FLT1: variants seen among roughly 807,000 people sequenced by gnomAD.
FLT1 encodes the protein fms related receptor tyrosine kinase 1.
Under a neutral mutation model 156.3 loss-of-function variants are expected in FLT1, and 49 were observed. The observed-to-expected ratio is 0.31, with a 90% CI of 0.25 to 0.40. The LOEUF (loss-of-function observed/expected upper bound fraction) is 0.40. FLT1 is among the 10% of genes least tolerant of loss of function. The pLI, the probability that FLT1 is intolerant of heterozygous loss-of-function variation, is 1.00. For synonymous variants in FLT1, 594 were observed against 583.8 expected (o/e 1.02, Z -0.25); for missense variants, 1,322 against 1,637.2 (o/e 0.81, Z 3.32).
rs970591571 is a variant in FLT1 at position 28,430,134 on chromosome 13, T to C, written c.1022A>G (p.Gln341Arg). 4.3e-6 allele frequency: 7 copies of C among 1,613,560 alleles called. No homozygotes were observed. In the Admixed American group the frequency reaches 6.7e-5, roughly 15 times the overall value. Residue 341 changes from glutamine (Q) to arginine (R), a missense_variant, in exon 8 of 30, where the codon CAG becomes CGG. Around this residue, in one of 3 missense-constraint regions of FLT1, gnomAD observed 991 missense variants for 1,254.8 expected, o/e 0.79. Transcript: ENST00000282397. ...KAFITVKHRK[Q>R]QVLETVAGKR... ...GCCAGCTACGGTTTCAAGCACCTGC[T>C]GTTTTCGATGTTTCACAGTGATGAA...
At chr13:28,494,749 C>A (rs1267333000) in intron 1 of FLT1, 31 bp downstream of exon 1, 2 of 1,533,122 alleles carry the variant, frequency 1.3e-6, no homozygotes, top group Non-Finnish European at 1.8e-6. Flanking sequence ...TCGCAGCCCG[C>A]CTCAGGCCCC....
At position 28,388,933 on chromosome 13, in the gene FLT1, G is replaced by A. The variant is rs373762967; in HGVS notation, c.1969+863C>T. 5.6e-6 allele frequency: 6 copies of A among 1,064,854 alleles called. No homozygotes were observed. In the East Asian group the frequency reaches 2.0e-4, roughly 35 times the overall value. 66.0% of individuals were successfully genotyped at this position (1,064,854 alleles called of 1,614,324 possible). On this transcript the variant is annotated intron_variant, in intron 13 of 29. Transcript: ENST00000282397. Reference sequence around the variant, plus strand: ...TCAATAGCTGTGTGGTGCAGTCAGAGACAGCAAGGAGCAAACCCTTTGCTA... The same window carrying A: ...TCAATAGCTGTGTGGTGCAGTCAGAAACAGCAAGGAGCAAACCCTTTGCTA...
At chr13:28,308,404 A>C (rs1174360009) in intron 28 of FLT1, 3 of 262,538 alleles carry the variant, frequency 1.1e-5, no homozygotes, top group African/African-American at 6.5e-5. Flanking sequence ...ACAGCTGTTC[A>C]ATCTGTAGAA....
chr13:28,456,363 A>T (rs1879262832), intron 3 of FLT1, among the ~76,000 whole-genome samples: 1 of 152,070 alleles, frequency 6.6e-6, no homozygotes, highest in African/African-American at 2.4e-5. Flanking sequence ...AAGAAATTAG[A>T]TATTAAGCCA....
chr13:28,321,928 T>G (rs61762457), intron 22 of FLT1, among the ~76,000 whole-genome samples: 2 of 152,350 alleles, frequency 1.3e-5, no homozygotes, highest in African/African-American at 4.8e-5. Context: ...GAGGGCCCTA[T>G]ATGGCTATAT....
chr13:28,327,607 G>T, intron 19 of FLT1, 57 bp from the exon 20 acceptor site: 2 of 1,246,568 alleles, frequency 1.6e-6, no homozygotes, highest in Non-Finnish European at 1.2e-6. Context: ...TCAGCCATTT[G>T]CCAGCCTTCA....
In FLT1 at chr13:28,326,524, T is replaced by C. The variant is rs930051455; in HGVS notation, c.2796+938A>G. On this transcript the variant is annotated intron_variant, in intron 20 of 29. Transcript: ENST00000282397. ...CATTCAATAATCTCTCTCTCTCTTT[T>C]TTTTTTTTTTTTTTTTTTTGAGACG... Among the ~76,000 whole-genome samples the C allele has an allele frequency of 7.0e-3, 771 of 110,202 alleles. 9 individuals are homozygous for C. Among genetic ancestry groups the C allele is most frequent in the Admixed American group, 0.046 (510 of 11,118 alleles). 72.3% of individuals were successfully genotyped at this position (110,202 alleles called of 152,430 possible). A position where few individuals can be genotyped will look rare whatever the true frequency, so the allele number is the denominator to read the frequency against.
chr13:28,322,388 G>C lies in FLT1; in HGVS notation c.2954-29C>G. ...GAAAGCATTAGAACCGTAACTGTTT[G>C]TAATGGCTCTTGTTATCCCACCAAA... On this transcript the variant is annotated intron_variant, in intron 21 of 29. Transcript: ENST00000282397. This position sits in a 1 kb window ranked among gnomAD's most constrained non-coding sequence, Gnocchi z 4.3. The C allele has an allele frequency of 7.2e-7, 1 of 1,395,800 alleles. No homozygotes were observed. The highest frequency in any genetic ancestry group is 1.0e-6 in the Non-Finnish European group (1 of 981,106). 86.5% of individuals were successfully genotyped at this position (1,395,800 alleles called of 1,614,324 possible). A position where few individuals can be genotyped will look rare whatever the true frequency, so the allele number is the denominator to read the frequency against.
intron 11 of FLT1, 81 bp from the exon 12 acceptor site, chr13:28,397,149 G>T: frequency 1.2e-6 from 1 of 808,240 alleles, no homozygotes; most frequent in South Asian, 1.4e-5. Context: ...AGGTTGAAAT[G>T]ATTCAGCTAC....
intron 12 of FLT1, among the ~76,000 whole-genome samples, chr13:28,392,998 G>A (rs1874830784): frequency 6.6e-6 from 1 of 151,764 alleles, no homozygotes; most frequent in Non-Finnish European, 1.5e-5. Context: ...AATTCATGTT[G>A]ACTTTTTTTT....
At chr13:28,484,767 C>G (rs137888991) in intron 1 of FLT1, among the ~76,000 whole-genome samples, 19 of 151,938 alleles carry the variant, frequency 1.3e-4, no homozygotes, top group African/African-American at 4.1e-4. Flanking sequence ...CCCTAAATGT[C>G]GGGTTTGCAA....
intron 10 of FLT1, among the ~76,000 whole-genome samples, chr13:28,422,111 C>T (rs1187342976): frequency 6.6e-6 from 1 of 152,120 alleles, no homozygotes; most frequent in Non-Finnish European, 1.5e-5. Context: ...GTGGTTGGTG[C>T]CTAATAAATA....
At chr13:28,378,524 G>C (rs1196551064) in intron 14 of FLT1, among the ~76,000 whole-genome samples, 1 of 152,148 alleles carries the variant, frequency 6.6e-6, no homozygotes, top group African/African-American at 2.4e-5. Flanking sequence ...CAGAGTGCAG[G>C]CTTCAGAGTC....
At chr13:28,357,405 C>G in intron 15 of FLT1, 149 bp downstream of exon 15, 1 of 839,690 alleles carries the variant, frequency 1.2e-6, no homozygotes, top group Non-Finnish European at 2.0e-6. Context: ...CAGACAGTCC[C>G]TTCCCGGAGT....
chr13:28,396,089 A>G (rs975342037), intron 12 of FLT1, among the ~76,000 whole-genome samples: 6 of 152,250 alleles, frequency 3.9e-5, no homozygotes, highest in Non-Finnish European at 7.3e-5. Context: ...CTGACGTTCT[A>G]TGAGAATCTA....
intron 17 of FLT1, among the ~76,000 whole-genome samples, chr13:28,337,363 G>T (rs959779416): frequency 6.6e-6 from 1 of 152,084 alleles, no homozygotes; most frequent in African/African-American, 2.4e-5. Context: ...CAGTATAACT[G>T]CCAGTTAAAA....
In FLT1 at chr13:28,434,143, T is replaced by G. The variant is rs1393867309; in HGVS notation, c.591A>C (p.Ala197=). The change falls in exon 5 of 30, where the codon GCA becomes GCC. Residue 197 remains alanine, a synonymous_variant. Coordinates refer to ENST00000282397, the MANE Select transcript of FLT1 (RefSeq NM_002019.4). ...TCAGAAGCCCTATTTCTTTGTACGTTGCATTTGATATGATGAAGCCCTTTC... is the reference window on the plus strand; with the variant it reads ...TCAGAAGCCCTATTTCTTTGTACGTGGCATTTGATATGATGAAGCCCTTTC... ...DSRKGFIISN[A]TYKEIGLLTC... is the part of the protein sequence containing the mutation. 7.4e-6 allele frequency: 12 copies of G among 1,614,006 alleles called. No individual in the cohort carries two copies. The highest frequency in any genetic ancestry group is 1.0e-5 in the Non-Finnish European group (12 of 1,179,988).
chr13:28,351,462 C>T (rs1872733327), intron 15 of FLT1, among the ~76,000 whole-genome samples: 1 of 152,190 alleles, frequency 6.6e-6, no homozygotes, highest in Non-Finnish European at 1.5e-5. Context: ...GTGCCATCTC[C>T]TTCTATGTAA....
chr13:28,388,581 T>C (rs1285884601), intron 13 of FLT1: 22 of 1,053,112 alleles, frequency 2.1e-5, no homozygotes, highest in Non-Finnish European at 2.3e-5. Flanking sequence ...AAACAAGAGA[T>C]TACAACTTCT....
Sources: gnomAD v4.1 joint callset for allele counts (sites outside exome capture counted in the v4.1 genomes callset) on GRCh38, gnomAD v4.1.1 for gene constraint, gnomAD v4.1.1 regional missense constraint, Gnocchi (gnomAD v3.1) non-coding constraint, MANE v1.5 for transcripts, NCBI Gene and HGNC (gene_info 2026-07-23, HGNC 2026-07-21) for gene names.